GATM: variants seen among roughly 807,000 people sequenced by gnomAD.
GATM encodes glycine amidinotransferase, mitochondrial.
Under a neutral mutation model 54.2 loss-of-function variants are expected in GATM, and 23 were observed. The observed-to-expected ratio is 0.42, with a 90% CI of 0.31 to 0.60. The LOEUF (loss-of-function observed/expected upper bound fraction) is 0.60, where lower values mean the gene tolerates loss of function less well. Ranked by LOEUF, GATM falls within the 20% of genes least tolerant of loss-of-function variation. The pLI, the probability that GATM is intolerant of heterozygous loss-of-function variation, is 0.14. For synonymous variants in GATM, 168 were observed against 183.1 expected (o/e 0.92, Z 0.67); for missense variants, 401 against 544.9 (o/e 0.74, Z 2.63).
chr15:45,371,665 A>G (rs927323714), intron 2 of GATM, among the ~76,000 whole-genome samples: 1 of 152,202 alleles, frequency 6.6e-6, no homozygotes, highest in African/African-American at 2.4e-5. Flanking sequence ...CTATCTGGAC[A>G]AGCAGGACTA....
Position 45,366,213 on chromosome 15 carries a change from G to A in GATM, c.814-3C>T, listed in dbSNP as rs1262428448. On this transcript the variant is annotated splice_region_variant and splice_polypyrimidine_tract_variant and intron_variant, in intron 5 of 8. Transcript: ENST00000396659. ...TCAATGCCTAGGTAGTTTGTAACCT[G>A]AAAACAAAAGAAAGACATACGATCG... 1.9e-6 allele frequency: 3 copies of A among 1,613,778 alleles called. No homozygotes were observed. The Admixed American group carries it at 5.0e-5, about 27-fold the overall frequency.
rs1425482746 is a variant in GATM, at chr15:45,369,207, T to G, written c.484+119A>C. 10 of 783,564 alleles carry G rather than the reference T, an allele frequency of 1.3e-5. No homozygotes were observed. In the Admixed American group the frequency reaches 2.0e-4, roughly 16 times the overall value. 48.5% of individuals were successfully genotyped at this position (783,564 alleles called of 1,614,324 possible). ...CCATTCCTAAATAAATCTTTAAAGT[T>G]TTCAAGAACTAGCAAAGCAAAGGAC... On this transcript the variant is annotated intron_variant, in intron 3 of 8. Coordinates refer to ENST00000396659, the MANE Select transcript of GATM (RefSeq NM_001482.3).
rs1889484516 is a variant in GATM at position 45,368,416 on chromosome 15, T to C, written c.485-156A>G. 6.6e-6 allele frequency among the ~76,000 whole-genome samples: 1 copy of C among 152,110 alleles called. No homozygotes were observed. The highest frequency in any genetic ancestry group is 1.5e-5 in the Non-Finnish European group (1 of 68,016). The stretch of plus-strand genomic sequence containing the variant: ...CACTTGATCCTCTTCAAGAGCAGCC[T>C]GGCCAACATGGTCAAGCCCCATCTC... On this transcript the variant is annotated intron_variant, in intron 3 of 8. Transcript: ENST00000396659. This position sits in a 1 kb window ranked among gnomAD's most constrained non-coding sequence, Gnocchi z 5.1.
At position 45,364,879 on chromosome 15, in the gene GATM, C is replaced by T; in HGVS notation, c.979-19G>A. The T allele has an allele frequency of 6.2e-7, 1 of 1,603,368 alleles. No individual in the cohort carries two copies. The highest frequency in any genetic ancestry group is 8.5e-7 in the Non-Finnish European group (1 of 1,170,438). ...GATCAATCTGTAAGACCAAAAAAAA[C>T]CCCCAAAACCGTTAAATCTACATAT... is the stretch of plus-strand genomic sequence containing the variant. On this transcript the variant is annotated intron_variant, in intron 6 of 8. Transcript: ENST00000396659.
At chr15:45,396,860 A>G in intron 3 of GATM, 1 of 104,800 alleles carries the variant, frequency 9.5e-6, no homozygotes, top group East Asian at 3.4e-4. Context: ...ACAGGGTGAG[A>G]CTCCGTCTCA....
chr15:45,398,848 T>G (rs1566847427), intron 2 of GATM, among the ~76,000 whole-genome samples: 1 of 152,238 alleles, frequency 6.6e-6, no homozygotes, highest in South Asian at 2.1e-4. Flanking sequence ...TTAACCATTT[T>G]CTTTAGATTT....
In GATM at chr15:45,369,423, T is replaced by A. The variant is rs756420233; in HGVS notation, c.387A>T (p.Glu129Asp). 6.2e-7 allele frequency: 1 copy of A among 1,614,156 alleles called. No homozygotes were observed. The highest frequency in any genetic ancestry group is 8.5e-7 in the Non-Finnish European group (1 of 1,180,000). The change falls in exon 3 of 9, where the codon GAA becomes GAT. Residue 129 changes from glutamate to aspartate, a missense_variant. Physicochemically the swap from Glu to Asp is conservative, Grantham distance 45. Transcript: ENST00000396659. ...CTTCCGTTTTTAAAATATTGCACAT[T>A]TCTTCAATTTCAGCAACAGCCTTTT... is the stretch of plus-strand genomic sequence containing the variant. ...HLKKAVAEIEEMCNILKTEGV... is the reference protein window; with the variant it reads ...HLKKAVAEIEDMCNILKTEGV...
chr15:45,366,392 A>C lies in GATM; in HGVS notation c.792T>G (p.Asp264Glu), dbSNP rs1174673551. ...DAADFIRAGR[D>E]IFAQRSQVTN... ...TCACCTGGCTTCTCTGTGCAAAAAT[A>C]TCTCTTCCAGCTCGAATGAAGTCAG... Residue 264 changes from aspartate (D) to glutamate (E), a missense_variant, in exon 5 of 9, where the codon GAT becomes GAG. Around this residue, in one of 3 missense-constraint regions of GATM, gnomAD observed 321 missense variants for 457.5 expected, o/e 0.70. Transcript: ENST00000396659. The C allele has an allele frequency of 2.5e-6, 4 of 1,614,082 alleles. No individual in the cohort carries two copies. The highest frequency in any genetic ancestry group is 3.4e-6 in the Non-Finnish European group (4 of 1,180,040).
intron 8 of GATM, among the ~76,000 whole-genome samples, chr15:45,362,673 C>T (rs1423870168): frequency 6.6e-6 from 1 of 152,108 alleles, no homozygotes; most frequent in Non-Finnish European, 1.5e-5. Context: ...TTAACTTCAC[C>T]AGGCCACCAT....
chr15:45,362,033 T>C lies in GATM; in HGVS notation c.*76A>G. 1 of 871,714 alleles carries C rather than the reference T, an allele frequency of 1.1e-6. No homozygotes were observed. The highest frequency in any genetic ancestry group is 1.3e-5 in the South Asian group (1 of 74,490). 54.0% of individuals were successfully genotyped at this position (871,714 alleles called of 1,614,324 possible). Reference sequence around the variant, plus strand: ...AAAGCACTACAGTTCATGCACTTTTTAAAGCAGGAGAATGAACCTTGCCCC... The same window carrying C: ...AAAGCACTACAGTTCATGCACTTTTCAAAGCAGGAGAATGAACCTTGCCCC... On this transcript the variant is annotated 3_prime_UTR_variant, in exon 9 of 9. Transcript: ENST00000396659.
In GATM at chr15:45,363,907, T is replaced by C. The variant is rs1889405322; in HGVS notation, c.1152A>G (p.Glu384=). The change falls in exon 8 of 9, where the codon GAA becomes GAG. Residue 384 remains glutamate (E), a synonymous_variant. Transcript: ENST00000396659. ...ANEVPIQKMF[E]KLGITTIKVN... is the part of the protein sequence containing the mutation. ...TTCATTTGTTGTACATACCCAGCTT[T>C]TCAAACATCTTTTGAATTGGAACTT... The C allele has an allele frequency of 6.3e-7, 1 of 1,599,566 alleles. No individual in the cohort carries two copies.
chr15:45,364,579 T>C (rs968895214), intron 7 of GATM: 1 of 550,070 alleles, frequency 1.8e-6, no homozygotes, highest in South Asian at 2.3e-5. Flanking sequence ...GATGTTGTTT[T>C]ATTCTGTCTT....
intron 2 of GATM, among the ~76,000 whole-genome samples, chr15:45,371,991 T>A (rs1554521): frequency 0.32 from 48,693 of 152,122 alleles, 8,907 homozygotes; most frequent in East Asian, 0.83. Flanking sequence ...CAGGTTCACA[T>A]CAGTTACGCT....
chr15:45,378,389 G>A lies in GATM; in HGVS notation c.65C>T (p.Ser22Phe), dbSNP rs1284933524. The A allele has an allele frequency of 3.9e-6, 6 of 1,520,192 alleles. No individual in the cohort carries two copies. The highest frequency in any genetic ancestry group is 5.3e-6 in the Non-Finnish European group (6 of 1,140,486). The allele number at this position is 1,520,192 out of a possible 1,614,324, so 94.2% of individuals were successfully genotyped here. The change falls in exon 1 of 9, where the codon TCT becomes TTT. Residue 22 changes from serine to phenylalanine, a missense_variant. Ser to Phe is a radical substitution (Grantham distance 155, BLOSUM62 -2). Transcript: ENST00000396659. Reference protein sequence around the residue: ...RGAEAVHYIGSRLGRTLTGWV... With the variant: ...RGAEAVHYIGFRLGRTLTGWV... The stretch of plus-strand genomic sequence containing the variant: ...CGAGGCCGGTGGCGCACGCACCCGA[G>A]ATCCGATGTAGTGCACCGCCTCGGC...
chr15:45,384,227 G>A (rs74009634), intron 3 of GATM, among the ~76,000 whole-genome samples: 38 of 152,252 alleles, frequency 2.5e-4, no homozygotes, highest in Middle Eastern at 3.4e-3. Context: ...ATATTGTGTC[G>A]CATGCTGCCA....
In GATM at chr15:45,361,134, A is replaced by G. The variant is rs1889354927; in HGVS notation, c.*975T>C. The G allele has an allele frequency of 6.6e-6, 1 of 152,214 alleles. No homozygotes were observed. The highest frequency in any genetic ancestry group is 2.1e-4 in the South Asian group (1 of 4,834). The allele number at this position is 152,214 out of a possible 1,614,324, so 9.4% of individuals were successfully genotyped here. A position where few individuals can be genotyped will look rare whatever the true frequency, so the allele number is the denominator to read the frequency against. ...TAGACCAATGCCAAATTCAATCTGG[A>G]ACACAAAAGTTTATTAGAATAAAAA... is the stretch of plus-strand genomic sequence containing the variant. On this transcript the variant is annotated 3_prime_UTR_variant, in exon 9 of 9. Transcript: ENST00000396659.
intron 3 of GATM, chr15:45,396,017 C>A (rs1889924526): frequency 6.6e-6 from 1 of 152,248 alleles, no homozygotes; most frequent in South Asian, 2.1e-4. Context: ...CATTTTCTGT[C>A]CTTAAAGGGT....
intron 1 of GATM, 86 bp downstream of exon 1, chr15:45,378,299 C>A: frequency 1.9e-6 from 2 of 1,062,292 alleles, no homozygotes; most frequent in Non-Finnish European, 2.7e-6. Flanking sequence ...GTGGCGGCTC[C>A]GGGCAGGGAG....
At chr15:45,402,181 AC>A (rs1346508214) in exon 1 of GATM, 1 of 529,102 alleles carries the variant, frequency 1.9e-6, no homozygotes, top group Non-Finnish European at 3.2e-6. Flanking sequence ...TGTAACGAAG[AC>A]CATCTCGGGA....
Sources: gnomAD v4.1 joint callset for allele counts (sites outside exome capture counted in the v4.1 genomes callset) on GRCh38, gnomAD v4.1.1 for gene constraint, gnomAD v4.1.1 regional missense constraint, Gnocchi (gnomAD v3.1) non-coding constraint, MANE v1.5 for transcripts, NCBI Gene and HGNC (gene_info 2026-07-23, HGNC 2026-07-21) for gene names.